The following OSBPL5 variants were observed in gnomAD, a reference collection of about 807,000 sequenced individuals.
OSBPL5 encodes the protein oxysterol binding protein like 5, also known as oxysterol-binding protein-related protein 5.
Under a neutral mutation model 111.2 loss-of-function variants are expected in OSBPL5, and 71 were observed. The observed-to-expected ratio is 0.64, with a 90% CI of 0.53 to 0.78. The LOEUF (loss-of-function observed/expected upper bound fraction) is 0.78. Ranked by LOEUF, OSBPL5 falls within the 30% of genes least tolerant of loss-of-function variation. OSBPL5 has a pLI of 0.00. For synonymous variants in OSBPL5, 549 were observed against 513.9 expected (o/e 1.07, Z -0.93); for missense variants, 1,210 against 1,189.3 (o/e 1.02, Z -0.26).
At chr11:3,143,006 AGAGGGGGGCAGAGGAGGCAGGTGCG>A (rs1564857170) in intron 1 of OSBPL5, among the ~76,000 whole-genome samples, 1 of 71,224 alleles carries the variant, frequency 1.4e-5, no homozygotes, top group South Asian at 8.0e-4. Flanking sequence ...AGGCAGGTGC[AGAGGGGGGCAGAGGAGGCAGGTGCG>A]GGGGGGGGCA....
intron 3 of OSBPL5, among the ~76,000 whole-genome samples, chr11:3,125,183 G>C (rs566507805): frequency 2.6e-5 from 4 of 152,342 alleles, no homozygotes; most frequent in East Asian, 1.9e-4. Flanking sequence ...GTGCTGCTCA[G>C]AACTGTGAAC....
intron 10 of OSBPL5, among the ~76,000 whole-genome samples, chr11:3,103,888 A>AGCCCC (rs1564830906): frequency 2.9e-5 from 3 of 102,884 alleles, no homozygotes; most frequent in Non-Finnish European, 5.8e-5. Flanking sequence ...CTGTAGCCCC[A>AGCCCC]TTCCTGCCTC....
At chr11:3,149,873 G>A (rs577703718) in intron 1 of OSBPL5, among the ~76,000 whole-genome samples, 1 of 152,348 alleles carries the variant, frequency 6.6e-6, no homozygotes, top group Non-Finnish European at 1.5e-5. Flanking sequence ...GCACGAGTGT[G>A]ATGGTGGCCT....
chr11:3,098,079 C>A (rs1024100029), intron 14 of OSBPL5, among the ~76,000 whole-genome samples: 1 of 151,796 alleles, frequency 6.6e-6, no homozygotes, highest in East Asian at 1.9e-4. Flanking sequence ...CGTCTCAAAA[C>A]AAAAATAAAA....
chr11:3,131,527 T>TCATC (rs202208643), intron 1 of OSBPL5, among the ~76,000 whole-genome samples: 1 of 117,628 alleles, frequency 8.5e-6, no homozygotes, highest in African/African-American at 3.4e-5. Context: ...ATCCACCCAT[T>TCATC]CATCCATCCA....
At position 3,121,213 on chromosome 11, in the gene OSBPL5, A is replaced by G. The variant is rs1858404660; in HGVS notation, c.403-589T>C. On this transcript the variant is annotated intron_variant, in intron 5 of 21. Transcript: ENST00000263650. The surrounding 1 kb of genome is among the most constrained non-coding windows in gnomAD (Gnocchi z 4.3). Reference sequence around the variant, plus strand: ...GCTGGGATTACAGGCGCCCGCCACCATGCCTGGCTAATTTCTGTATTTTTA... The same window carrying G: ...GCTGGGATTACAGGCGCCCGCCACCGTGCCTGGCTAATTTCTGTATTTTTA... Among the ~76,000 whole-genome samples, 2 of 151,852 alleles carry G rather than the reference A, an allele frequency of 1.3e-5. No homozygotes were observed. Among genetic ancestry groups the G allele is most frequent in the African/African-American group, 2.4e-5 (1 of 41,314 alleles).
intron 1 of OSBPL5, among the ~76,000 whole-genome samples, chr11:3,138,164 A>C (rs1256291368): frequency 6.6e-6 from 1 of 152,150 alleles, no homozygotes; most frequent in Admixed American, 6.5e-5. Flanking sequence ...CCTGATGGAC[A>C]CCAGGCCCAC....
At chr11:3,131,083 G>C (rs748058185) in intron 1 of OSBPL5, among the ~76,000 whole-genome samples, 6 of 152,106 alleles carry the variant, frequency 3.9e-5, no homozygotes, top group South Asian at 2.1e-4. Context: ...GGCAGGGAGA[G>C]GGGCTCAAAA....
At chr11:3,137,625 C>A (rs1321898979) in intron 1 of OSBPL5, among the ~76,000 whole-genome samples, 1 of 152,154 alleles carries the variant, frequency 6.6e-6, no homozygotes, top group Non-Finnish European at 1.5e-5. Flanking sequence ...TCAGCCTGGG[C>A]AACATAGCGA....
chr11:3,150,802 G>A (rs1020332372), intron 1 of OSBPL5, among the ~76,000 whole-genome samples: 1 of 152,098 alleles, frequency 6.6e-6, no homozygotes, highest in Non-Finnish European at 1.5e-5. Flanking sequence ...AACTAAACAC[G>A]ACTGTGATCA....
chr11:3,107,269 C>T lies in OSBPL5; in HGVS notation c.1053G>A (p.Leu351=). 1.2e-6 allele frequency: 2 copies of T among 1,612,254 alleles called. No individual in the cohort carries two copies. Residue 351 remains leucine (L), a synonymous_variant, in exon 9 of 22, where the codon CTG becomes CTA. Coordinates refer to ENST00000263650, the MANE Select transcript of OSBPL5 (RefSeq NM_020896.4). This position sits in a 1 kb window ranked among gnomAD's most constrained non-coding sequence, Gnocchi z 6.1. ...CTGGCTGGGGGGCTCTCACCTCCCC[C>T]AGCTCCTCCTGGACCTGCTCCACAT... ...TTYVEQVQEE[L]GELGEASQVE...
At chr11:3,148,188 G>A (rs1402715781) in intron 1 of OSBPL5, among the ~76,000 whole-genome samples, 3 of 152,232 alleles carry the variant, frequency 2.0e-5, no homozygotes, top group Non-Finnish European at 2.9e-5. Context: ...GGAGCAGGTC[G>A]GAAACCGCAC....
chr11:3,122,242 G>A, intron 4 of OSBPL5, 106 bp downstream of exon 4: 2 of 1,367,336 alleles, frequency 1.5e-6, no homozygotes, highest in South Asian at 1.3e-5. Flanking sequence ...GCGACCAGGT[G>A]CGGTTTGTCC....
At chr11:3,131,742 G>C (rs948294430) in intron 1 of OSBPL5, among the ~76,000 whole-genome samples, 144 of 17,820 alleles carry the variant, frequency 8.1e-3, no homozygotes, top group African/African-American at 1.0e-2. Context: ...ATCCTCCCAG[G>C]CATCCATCCA....
At position 3,094,508 on chromosome 11, in the gene OSBPL5, GA is replaced by G. The variant is rs1194835526; in HGVS notation, c.1622-175del. ...AGAAGGACAGGAGGCGCTGGGAGCA[GA>G]ACCCCACAGGGAGAGGCTGGTGGGG... On this transcript the variant is annotated intron_variant, in intron 14 of 21. Transcript: ENST00000263650. The G allele has an allele frequency of 2.0e-5, 12 of 594,822 alleles. No homozygotes were observed. In the African/African-American group the frequency reaches 2.2e-4, roughly 11 times the overall value. The allele number at this position is 594,822 out of a possible 1,614,324, so 36.8% of individuals were successfully genotyped here.
rs7106225 is a variant in OSBPL5, at chr11:3,101,587, A to G, written c.1522+16T>C. 0.14 allele frequency: 227,309 copies of G among 1,607,590 alleles called. 17,948 individuals carry two copies. Among genetic ancestry groups the G allele is most frequent in the African/African-American group, 0.29 (21,462 of 74,786 alleles). ...TTCCCTGAGGCCCCAGGGAGCGCCC[A>G]GGGTGACCCCCTCACCATAAAACCT... On this transcript the variant is annotated intron_variant, in intron 13 of 21. Coordinates refer to ENST00000263650, the MANE Select transcript of OSBPL5 (RefSeq NM_020896.4).
chr11:3,128,018 C>T (rs1323388247), intron 2 of OSBPL5, among the ~76,000 whole-genome samples: 5 of 152,218 alleles, frequency 3.3e-5, no homozygotes, highest in African/African-American at 7.2e-5. Flanking sequence ...TCTAAGCCTC[C>T]GGCCAGGGTG....
chr11:3,103,286 T>C lies in OSBPL5; in HGVS notation c.1279A>G (p.Lys427Glu), dbSNP rs1201223222. The C allele has an allele frequency of 6.2e-7, 1 of 1,608,546 alleles. No individual in the cohort carries two copies. Among genetic ancestry groups the C allele is most frequent in the Admixed American group, 1.7e-5 (1 of 59,532 alleles). The change falls in exon 11 of 22, where the codon AAG becomes GAG. Residue 427 changes from lysine (K) to glutamate (E), a missense_variant. Physicochemically the swap from Lys to Glu is moderately conservative, Grantham distance 56. Coordinates refer to ENST00000263650, the MANE Select transcript of OSBPL5 (RefSeq NM_020896.4). ...AVEEDAYSRM[K>E]LVLRWYLSGF... ...GACAGGTACCACCGCAGCACCAGCTTCATGCGGCTGTAGGCATCCTCCTCC... is the reference window on the plus strand; with the variant it reads ...GACAGGTACCACCGCAGCACCAGCTCCATGCGGCTGTAGGCATCCTCCTCC...
At chr11:3,100,391 C>T (rs1005711270) in intron 13 of OSBPL5, 135 bp from the exon 14 acceptor site, 6 of 711,026 alleles carry the variant, frequency 8.4e-6, no homozygotes, top group African/African-American at 1.7e-5. Context: ...TGTGTCTGTG[C>T]GTGAGTCACT....
Sources: gnomAD v4.1 joint callset for allele counts (sites outside exome capture counted in the v4.1 genomes callset) on GRCh38, gnomAD v4.1.1 for gene constraint, Gnocchi (gnomAD v3.1) non-coding constraint, MANE v1.5 for transcripts, NCBI Gene and HGNC (gene_info 2026-07-23, HGNC 2026-07-21) for gene names.